Variants in C12orf42 observed in about 807,000 individuals in gnomAD.
C12orf42 encodes the protein chromosome 12 open reading frame 42.
C12orf42 carries 25 observed loss-of-function variants against 21.6 expected under a neutral mutation model. That is an observed-to-expected ratio of 1.16 (90% CI 0.84 to 1.62). The LOEUF (loss-of-function observed/expected upper bound fraction) is 1.62. Ranked by LOEUF, C12orf42 falls within the 40% of genes most tolerant of loss-of-function variation. C12orf42 has a pLI of 0.00. For synonymous variants in C12orf42, 174 were observed against 175.0 expected (o/e 0.99, Z 0.05); for missense variants, 483 against 459.3 (o/e 1.05, Z -0.47).
the C12orf42 span, among the ~76,000 whole-genome samples, chr12:103,213,129 C>G: frequency 1.4e-4 from 22 of 152,102 alleles, no homozygotes; most frequent in African/African-American, 2.4e-5. Context: ...AGGTCACAAT[C>G]AAAGGCAGTA....
intron 1 of C12orf42, among the ~76,000 whole-genome samples, chr12:103,481,524 T>C (rs913160323): frequency 6.6e-6 from 1 of 151,956 alleles, no homozygotes; most frequent in Non-Finnish European, 1.5e-5. Context: ...AATTCTTTTT[T>C]TATTGGTATT....
At chr12:103,172,132 G>T in the C12orf42 span, among the ~76,000 whole-genome samples, 2 of 151,938 alleles carry the variant, frequency 1.3e-5, no homozygotes, top group African/African-American at 4.8e-5. Context: ...CAAATTTTAG[G>T]CAGGAGGGAG....
the C12orf42 span, among the ~76,000 whole-genome samples, chr12:103,130,720 T>C: frequency 6.6e-6 from 1 of 152,304 alleles, no homozygotes; most frequent in Admixed American, 6.5e-5. Flanking sequence ...AGAATGACCC[T>C]GAGTACGTCA....
downstream of C12orf42, among the ~76,000 whole-genome samples, chr12:103,301,006 A>G (rs2037611786): frequency 3.9e-5 from 6 of 152,338 alleles, no homozygotes; most frequent in South Asian, 1.2e-3. Context: ...AAAGCATGCT[A>G]ATAATAAAAA....
the C12orf42 span, among the ~76,000 whole-genome samples, chr12:103,171,024 T>G: frequency 1.3e-5 from 2 of 152,172 alleles, no homozygotes; most frequent in South Asian, 4.1e-4. Flanking sequence ...TATATGCTCC[T>G]GCCACATAGA....
the C12orf42 span, among the ~76,000 whole-genome samples, chr12:103,144,813 G>A: frequency 6.6e-6 from 1 of 152,156 alleles, no homozygotes; most frequent in African/African-American, 2.4e-5. Context: ...GGATTTTGGG[G>A]AAGGGTATAG....
chr12:103,169,295 C>A, the C12orf42 span, among the ~76,000 whole-genome samples: 1 of 152,000 alleles, frequency 6.6e-6, no homozygotes, highest in Non-Finnish European at 1.5e-5. Flanking sequence ...AAATCAGACA[C>A]TGCCTCCTCA....
At chr12:103,137,862 C>T in the C12orf42 span, among the ~76,000 whole-genome samples, 514 of 151,910 alleles carry the variant, frequency 3.4e-3, no homozygotes, top group Non-Finnish European at 5.3e-3. Context: ...ACATGAGAGG[C>T]CAGGCAGGGT....
the C12orf42 span, among the ~76,000 whole-genome samples, chr12:103,507,086 A>AT: frequency 2.6e-4 from 3 of 11,672 alleles, no homozygotes; most frequent in African/African-American, 7.8e-4. Flanking sequence ...ATTTATATAT[A>AT]ATATATATTA....
the C12orf42 span, among the ~76,000 whole-genome samples, chr12:103,550,995 A>G: frequency 1.3e-5 from 2 of 151,988 alleles, no homozygotes; most frequent in African/African-American, 4.8e-5. Flanking sequence ...AATCAGTTAC[A>G]TATTTATGTA....
intron 2 of C12orf42, among the ~76,000 whole-genome samples, chr12:103,470,477 A>C (rs1217387719): frequency 1.3e-5 from 2 of 152,336 alleles, no homozygotes; most frequent in East Asian, 3.9e-4. Flanking sequence ...TAAAGGCCAC[A>C]ACTAAAGATT....
chr12:103,056,308 T>A, the C12orf42 span, among the ~76,000 whole-genome samples: 1 of 152,190 alleles, frequency 6.6e-6, no homozygotes. Flanking sequence ...CTGGGGTTTC[T>A]GATGAGAAAT....
chr12:103,290,623 A>T (rs1190866062), intron 4 of C12orf42, among the ~76,000 whole-genome samples: 1 of 152,174 alleles, frequency 6.6e-6, no homozygotes, highest in Non-Finnish European at 1.5e-5. Context: ...TTAAGTGGGG[A>T]GGGGACTTAC....
chr12:103,379,982 T>C (rs1264133151), intron 3 of C12orf42, among the ~76,000 whole-genome samples: 2 of 152,216 alleles, frequency 1.3e-5, no homozygotes, highest in Non-Finnish European at 2.9e-5. Context: ...TTGGGCTTTT[T>C]CTTTAGCCAA....
the C12orf42 span, among the ~76,000 whole-genome samples, chr12:103,056,897 G>T: frequency 6.6e-6 from 1 of 151,834 alleles, no homozygotes; most frequent in Non-Finnish European, 1.5e-5. Flanking sequence ...TATTTTGTTT[G>T]CTTAAAGCAC....
At chr12:103,188,913 T>A in the C12orf42 span, among the ~76,000 whole-genome samples, 1 of 152,226 alleles carries the variant, frequency 6.6e-6, no homozygotes, top group Admixed American at 6.5e-5. Flanking sequence ...ATATGGCTAA[T>A]ATGAAAGAAG....
At chr12:103,401,784 C>CA (rs1418535889) in intron 2 of C12orf42, 109 bp from the exon 3 acceptor site, 3 of 1,012,852 alleles carry the variant, frequency 3.0e-6, no homozygotes, top group Non-Finnish European at 4.5e-6. Context: ...TTCTTTCAAA[C>CA]AATGGCTGTT....
chr12:103,474,454 A>ATGTATG (rs1555212293), intron 2 of C12orf42, among the ~76,000 whole-genome samples: 85 of 149,372 alleles, frequency 5.7e-4, no homozygotes, highest in Non-Finnish European at 7.1e-4. Context: ...GTATGTATGT[A>ATGTATG]TGTGTGTGTG....
At chr12:103,069,473 A>G in the C12orf42 span, among the ~76,000 whole-genome samples, 3 of 152,196 alleles carry the variant, frequency 2.0e-5, no homozygotes, top group Admixed American at 6.5e-5. Flanking sequence ...TTTGCCTACA[A>G]TTAGGCAAAA....
Sources: allele counts gnomAD v4.1 joint callset (sites outside exome capture counted in the v4.1 genomes callset), GRCh38; gene constraint gnomAD v4.1.1; transcripts MANE v1.5; gene names NCBI Gene and HGNC (gene_info 2026-07-23, HGNC 2026-07-21).